Variants in TRAPPC8 observed in about 807,000 individuals in gnomAD.
TRAPPC8 encodes the protein trafficking protein particle complex subunit 8.
TRAPPC8 carries 54 observed loss-of-function variants against 174.3 expected under a neutral mutation model. The observed-to-expected ratio is 0.31, with a 90% CI of 0.25 to 0.39. The LOEUF (loss-of-function observed/expected upper bound fraction) is 0.39, where lower values mean the gene tolerates loss of function less well. TRAPPC8 is among the 10% of genes least tolerant of loss of function. The probability of loss-of-function intolerance (pLI) is 1.00; values close to 1 mark genes in which losing one functional copy is unlikely to be tolerated. For synonymous variants in TRAPPC8, 630 were observed against 579.9 expected, an observed-to-expected ratio of 1.09 and a Z score of -1.24; for missense variants, 1,531 against 1,699.1, an observed-to-expected ratio of 0.90 and a Z score of 1.74.
At chr18:31,895,191 T>C (rs139118581) in intron 11 of TRAPPC8, among the ~76,000 whole-genome samples, 165 of 152,314 alleles carry the variant, frequency 1.1e-3, no homozygotes, top group Middle Eastern at 0.01. Context: ...GTCAAGAGTA[T>C]GTAACTCAAT....
chr18:31,866,702 C>A, intron 18 of TRAPPC8, 147 bp downstream of exon 18: 1 of 790,546 alleles, frequency 1.3e-6, no homozygotes, highest in Non-Finnish European at 1.8e-6. Flanking sequence ...TTAAAATAAT[C>A]TAAATTTGTC....
chr18:31,902,709 G>C (rs1411911996), intron 9 of TRAPPC8, among the ~76,000 whole-genome samples: 1 of 152,138 alleles, frequency 6.6e-6, no homozygotes, highest in East Asian at 1.9e-4. Flanking sequence ...ACTTTGCACA[G>C]CTGGGGCTTT....
At chr18:31,893,100 T>C (rs1455114782) in intron 11 of TRAPPC8, among the ~76,000 whole-genome samples, 3 of 152,174 alleles carry the variant, frequency 2.0e-5, no homozygotes, top group Non-Finnish European at 4.4e-5. Context: ...TTCATATGTT[T>C]AGGGGATTTT....
At chr18:31,852,298 G>T in intron 24 of TRAPPC8, 148 bp downstream of exon 24, 2 of 777,740 alleles carry the variant, frequency 2.6e-6, no homozygotes, top group Non-Finnish European at 4.1e-6. Flanking sequence ...CTGTGATCAC[G>T]CCACTGTACT....
intron 2 of TRAPPC8, among the ~76,000 whole-genome samples, chr18:31,930,263 G>A (rs1384238332): frequency 1.3e-5 from 2 of 151,938 alleles, no homozygotes; most frequent in African/African-American, 4.8e-5. Context: ...GGGATTACAG[G>A]CACCTGCCAC....
Position 31,830,808 on chromosome 18 carries a change from C to T in TRAPPC8, c.4255G>A (p.Glu1419Lys), listed in dbSNP as rs1186554745. The T allele has an allele frequency of 8.7e-6, 14 of 1,614,076 alleles. No individual in the cohort carries two copies. Among genetic ancestry groups the T allele is most frequent in the African/African-American group, 2.7e-5 (2 of 74,932 alleles). The change falls in exon 29 of 29, where the codon GAA becomes AAA. Residue 1419 changes from glutamate to lysine, a missense_variant. By Grantham distance (56) the Glu-to-Lys change is moderately conservative. Transcript: ENST00000283351. ...GGCATGGAATTCTGCTGACTTGTTT[C>T]AAACACTGTAACTTGGTCCGATAAC... Reference protein sequence around the residue: ...AKLSDQVTVFETSQQNSMPAL... With the variant: ...AKLSDQVTVFKTSQQNSMPAL...
intron 11 of TRAPPC8, among the ~76,000 whole-genome samples, chr18:31,897,188 G>GGAATTA (rs2036218965): frequency 6.6e-6 from 1 of 152,066 alleles, no homozygotes; most frequent in South Asian, 2.1e-4. Flanking sequence ...TACTTATAAA[G>GGAATTA]GAATTACTAC....
chr18:31,912,589 A>T (rs2036960658), intron 5 of TRAPPC8, among the ~76,000 whole-genome samples: 1 of 152,096 alleles, frequency 6.6e-6, no homozygotes, highest in Non-Finnish European at 1.5e-5. Flanking sequence ...TGAACCCAGG[A>T]GGTGGAGGCT....
rs2034115195 is a variant in TRAPPC8, at chr18:31,857,896, T to C, written c.2832A>G (p.Pro944=). The part of the protein sequence containing the change: ...YVEFVNVSKC[P]LTGLKVVSKR... ...TAGAAACAACCTTCAATCCAGTAAG[T>C]GGACATTTGCTGACATTGACAAATT... The change falls in exon 20 of 29, where the codon CCA becomes CCG. Residue 944 remains proline (P), a synonymous_variant. Coordinates refer to ENST00000283351, the MANE Select transcript of TRAPPC8 (RefSeq NM_014939.5). The C allele has an allele frequency of 3.7e-6, 6 of 1,614,176 alleles. No homozygotes were observed. Among genetic ancestry groups the C allele is most frequent in the Non-Finnish European group, 4.2e-6 (5 of 1,180,026 alleles).
intron 28 of TRAPPC8, among the ~76,000 whole-genome samples, chr18:31,831,785 T>C (rs895010881): frequency 3.3e-5 from 5 of 152,180 alleles, no homozygotes; most frequent in Non-Finnish European, 5.9e-5. Flanking sequence ...CGCTTTATAG[T>C]ATTTTTCCAA....
intron 4 of TRAPPC8, among the ~76,000 whole-genome samples, chr18:31,915,050 A>C (rs1434724213): frequency 1.3e-5 from 2 of 152,236 alleles, no homozygotes; most frequent in African/African-American, 4.8e-5. Context: ...AGAACAAAGA[A>C]AGAGAAATAA....
chr18:31,842,445 T>C (rs1025363415), intron 26 of TRAPPC8, among the ~76,000 whole-genome samples: 5 of 152,120 alleles, frequency 3.3e-5, no homozygotes, highest in African/African-American at 1.2e-4. Context: ...TGAGGTAACA[T>C]AAATGTCGAC....
At chr18:31,940,422 GCCACTGCACTC>G in intron 1 of TRAPPC8, among the ~76,000 whole-genome samples, 1 of 152,132 alleles carries the variant, frequency 6.6e-6, no homozygotes. Flanking sequence ...CCAAGATCGC[GCCACTGCACTC>G]CCAGCCTGGG....
At chr18:31,885,676 T>C (rs1264292321) in intron 12 of TRAPPC8, among the ~76,000 whole-genome samples, 1 of 151,624 alleles carries the variant, frequency 6.6e-6, no homozygotes, top group Non-Finnish European at 1.5e-5. Context: ...CTGACCAACA[T>C]GGAGAAACCC....
chr18:31,858,004 T>C, intron 19 of TRAPPC8, 22 bp from the exon 20 acceptor site: 1 of 1,545,258 alleles, frequency 6.5e-7, no homozygotes, highest in Non-Finnish European at 8.7e-7. Flanking sequence ...GGAAAAAATA[T>C]TATTATTTGT....
chr18:31,913,675 C>A (rs1175806596), intron 4 of TRAPPC8, among the ~76,000 whole-genome samples, 153 bp from the exon 5 acceptor site: 1 of 152,086 alleles, frequency 6.6e-6, no homozygotes, highest in Admixed American at 6.6e-5. Context: ...AAGAATTATC[C>A]TTCTAGAAAA....
In TRAPPC8 at chr18:31,908,434, TA is replaced by T. The variant is rs199611814; in HGVS notation, c.1123-17del. The T allele has an allele frequency of 1.7e-3, 2,502 of 1,469,594 alleles. 37 individuals carry two copies. The African/African-American group carries it at 0.03, about 18-fold the overall frequency. The allele number at this position is 1,469,594 out of a possible 1,614,324, so 91.0% of individuals were successfully genotyped here. On this transcript the variant is annotated splice_polypyrimidine_tract_variant and intron_variant, in intron 7 of 28. Transcript: ENST00000283351. Reference sequence around the variant, plus strand: ...TTGATATTAGCTTTAAAAAAGAGATTAAATATGTTGACAAACAAAGAATTTA... The same window carrying T: ...TTGATATTAGCTTTAAAAAAGAGATTAATATGTTGACAAACAAAGAATTTA...
rs1460566953 is a variant in TRAPPC8, at chr18:31,871,217, T to C, written c.2063-97A>G. On this transcript the variant is annotated intron_variant, in intron 14 of 28. Transcript: ENST00000283351. ...AGGTACAGAAATAAAAAAATATATA[T>C]ATATACATTCACTCTTGCCTATTTC... 5.2e-6 allele frequency: 3 copies of C among 581,208 alleles called. No homozygotes were observed. In the East Asian group the frequency reaches 9.5e-5, roughly 18 times the overall value. 36.0% of individuals were successfully genotyped at this position (581,208 alleles called of 1,614,324 possible). A position where few individuals can be genotyped will look rare whatever the true frequency, so the allele number is the denominator to read the frequency against.
chr18:31,903,879 T>G (rs2036549385), intron 9 of TRAPPC8, among the ~76,000 whole-genome samples: 1 of 150,744 alleles, frequency 6.6e-6, no homozygotes, highest in Admixed American at 6.6e-5. Flanking sequence ...ACAAACTCAT[T>G]CTACTGGCAA....
Sources: gnomAD v4.1 joint callset for allele counts (sites outside exome capture counted in the v4.1 genomes callset) on GRCh38, gnomAD v4.1.1 for gene constraint, MANE v1.5 for transcripts, NCBI Gene and HGNC (gene_info 2026-07-23, HGNC 2026-07-21) for gene names.